Variants in FCGRT observed in about 807,000 individuals in gnomAD.
FCGRT encodes the protein Fc gamma receptor and transporter, also known as IgG receptor FcRn large subunit p51.
FCGRT carries 13 observed loss-of-function variants against 35.7 expected under a neutral mutation model. The ratio of observed to expected loss-of-function variants is 0.36; its 90% CI spans 0.24 to 0.58. The LOEUF is 0.58. FCGRT is among the 20% of genes least tolerant of loss of function. The pLI is 0.77. For synonymous variants in FCGRT, 233 were observed against 216.5 expected (o/e 1.08, Z -0.67); for missense variants, 455 against 474.9 (o/e 0.96, Z 0.39).
At chr19:49,520,154 G>T (rs2080032654) in intron 4 of FCGRT, among the ~76,000 whole-genome samples, 1 of 113,006 alleles carries the variant, frequency 8.8e-6, no homozygotes, top group Non-Finnish European at 1.8e-5. Flanking sequence ...TTTTTGAGAG[G>T]GCGTCTCCCT....
In FCGRT at chr19:49,518,859, T is replaced by A. The variant is rs959332251; in HGVS notation, c.601+4373T>A. Among the ~76,000 whole-genome samples the A allele has an allele frequency of 6.7e-5, 10 of 149,552 alleles. No individual in the cohort carries two copies. In the South Asian group the frequency reaches 2.1e-3, roughly 32 times the overall value. On this transcript the variant is annotated intron_variant, in intron 4 of 6. Transcript: ENST00000221466. Reference sequence around the variant, plus strand: ...CGTATTTTTGTTTTTTTCTTTTTTTTGGAGACGGAGTCTCGCTCTGTCACC... The same window carrying A: ...CGTATTTTTGTTTTTTTCTTTTTTTAGGAGACGGAGTCTCGCTCTGTCACC...
Position 49,526,378 on chromosome 19 carries a change from A to C in FCGRT, c.*259A>C, listed in dbSNP as rs2080077763. 5 of 502,300 alleles carry C rather than the reference A, an allele frequency of 1.0e-5. No individual in the cohort carries two copies. The highest frequency in any genetic ancestry group is 2.0e-5 in the African/African-American group (1 of 51,174). 31.1% of individuals were successfully genotyped at this position (502,300 alleles called of 1,614,324 possible). ...TTTCAGGCAGGGGAGGTAAGGGAAT[A>C]AGTCGGGGGACTGAATGGCGGCTGG... On this transcript the variant is annotated 3_prime_UTR_variant, in exon 7 of 7. Transcript: ENST00000221466.
At chr19:49,523,353 T>C (rs574300571) in intron 4 of FCGRT, among the ~76,000 whole-genome samples, 4 of 151,704 alleles carry the variant, frequency 2.6e-5, no homozygotes, top group African/African-American at 9.7e-5. Flanking sequence ...TAGATCACAA[T>C]GTCAGGAATT....
Position 49,526,186 on chromosome 19 carries a change from G to A in FCGRT, c.*67G>A. 9.7e-7 allele frequency: 1 copy of A among 1,033,268 alleles called. No homozygotes were observed. Among genetic ancestry groups the A allele is most frequent in the Non-Finnish European group, 1.5e-6 (1 of 659,960 alleles). The allele number at this position is 1,033,268 out of a possible 1,614,324, so 64.0% of individuals were successfully genotyped here. On this transcript the variant is annotated 3_prime_UTR_variant, in exon 7 of 7. Coordinates refer to ENST00000221466, the MANE Select transcript of FCGRT (RefSeq NM_001136019.3). Reference sequence around the variant, plus strand: ...CCCTTTCATGCTGTGAGACCTCCTGGAACACTGGCATCTCTGAGCCTCCAG... The same window carrying A: ...CCCTTTCATGCTGTGAGACCTCCTGAAACACTGGCATCTCTGAGCCTCCAG...
chr19:49,524,660 A>G lies in FCGRT; in HGVS notation c.755A>G (p.Asn252Ser), dbSNP rs1192351481. ...ACCGGCCAGGGTGACTTCGGCCCCA[A>G]CAGTGACGGATCCTTCCACGCCTCG... ...AGTGQGDFGP[N>S]SDGSFHASSS... The change falls in exon 5 of 7, where the codon AAC (asparagine) becomes AGC (serine). Residue 252 changes from asparagine (N) to serine (S), a missense_variant. Transcript: ENST00000221466. The G allele has an allele frequency of 6.2e-7, 1 of 1,606,438 alleles. No homozygotes were observed. Among genetic ancestry groups the G allele is most frequent in the Non-Finnish European group, 8.5e-7 (1 of 1,179,996 alleles).
intron 4 of FCGRT, among the ~76,000 whole-genome samples, chr19:49,520,304 A>G (rs914794604): frequency 1.4e-5 from 2 of 142,906 alleles, no homozygotes; most frequent in Non-Finnish European, 3.0e-5. Flanking sequence ...TAATTTTTGT[A>G]TTTTTAGTAC....
intron 4 of FCGRT, among the ~76,000 whole-genome samples, chr19:49,518,496 G>A (rs2080021756): frequency 6.6e-6 from 1 of 151,862 alleles, no homozygotes; most frequent in Non-Finnish European, 1.5e-5. Context: ...CTCCCCAGTA[G>A]GTAGGACCAC....
intron 4 of FCGRT, among the ~76,000 whole-genome samples, chr19:49,517,188 C>G (rs768991829): frequency 2.1e-4 from 32 of 150,782 alleles, no homozygotes; most frequent in Non-Finnish European, 5.9e-5. Context: ...GACCCTGTCT[C>G]AAAAAGAAAA....
chr19:49,514,163 C>A, intron 3 of FCGRT, 30 bp downstream of exon 3: 1 of 1,611,484 alleles, frequency 6.2e-7, no homozygotes, highest in Non-Finnish European at 8.5e-7. Context: ...GGGCAAGGGG[C>A]CGGGTCCATG....
At chr19:49,516,054 G>A (rs1239248558) in intron 4 of FCGRT, 6 of 382,944 alleles carry the variant, frequency 1.6e-5, no homozygotes, top group East Asian at 7.8e-5. Flanking sequence ...ACTGCCAGGC[G>A]CTGCTCTGGG....
At chr19:49,521,655 C>T (rs1163418623) in intron 4 of FCGRT, 2 of 148,974 alleles carry the variant, frequency 1.3e-5, no homozygotes, top group Non-Finnish European at 3.0e-5. Context: ...AGGCATGAGC[C>T]ATTGCACCCG....
At chr19:49,525,808 G>C (rs2122702214) in intron 6 of FCGRT, among the ~76,000 whole-genome samples, 1 of 151,718 alleles carries the variant, frequency 6.6e-6, no homozygotes, top group Middle Eastern at 3.4e-3. Flanking sequence ...ACAGAGGGAG[G>C]GGGAGACAGA....
chr19:49,517,541 AAAGGAAGG>A (rs56387904), intron 4 of FCGRT, among the ~76,000 whole-genome samples: 6 of 151,234 alleles, frequency 4.0e-5, no homozygotes, highest in South Asian at 2.1e-4. Context: ...AAGAGGAAGG[AAAGGAAGG>A]AAGGAAGGAA....
In FCGRT at chr19:49,524,622, G is replaced by A. The variant is rs1200777387; in HGVS notation, c.717G>A (p.Gly239=). Residue 239 remains glycine, a synonymous_variant, in exon 5 of 7, where the codon GGG becomes GGA. Coordinates refer to ENST00000221466, the MANE Select transcript of FCGRT (RefSeq NM_001136019.3). The stretch of plus-strand genomic sequence containing the variant: ...TGCAACTTCGGTTCCTGCGGAATGG[G>A]CTGGCCGCTGGCACCGGCCAGGGTG... ...PELQLRFLRN[G]LAAGTGQGDF... The A allele has an allele frequency of 6.2e-7, 1 of 1,610,004 alleles. No individual in the cohort carries two copies. The highest frequency in any genetic ancestry group is 8.5e-7 in the Non-Finnish European group (1 of 1,179,992).
chr19:49,518,410 G>C (rs1435668364), intron 4 of FCGRT, among the ~76,000 whole-genome samples: 2 of 145,978 alleles, frequency 1.4e-5, no homozygotes, highest in Non-Finnish European at 3.0e-5. Context: ...TCTGTCACCA[G>C]ACTGGAGTCC....
Position 49,525,497 on chromosome 19 carries a change from C to G in FCGRT, c.912C>G (p.Val304=), listed in dbSNP as rs201536964. The G allele has an allele frequency of 3.7e-6, 6 of 1,613,962 alleles. No individual in the cohort carries two copies. In the Admixed American group the frequency reaches 1.0e-4, roughly 27 times the overall value. ...AKSSVLVVGI[V]IGVLLLTAAA... is the part of the protein sequence containing the mutation. ...CCTCCGTGCTCGTGGTGGGAATCGT[C>G]ATCGGTGTCTTGCTACTCACGGCAG... Residue 304 remains valine (V), a synonymous_variant, in exon 6 of 7, where the codon GTC becomes GTG. Transcript: ENST00000221466.
In FCGRT at chr19:49,525,413, G is replaced by C. The variant is rs750783192; in HGVS notation, c.872-44G>C. ...CCAGTTCTGTGTCCTGACTGGGTGGGGTGGAGGGGCTGCTCCACATCTCAC... is the reference window on the plus strand; with the variant it reads ...CCAGTTCTGTGTCCTGACTGGGTGGCGTGGAGGGGCTGCTCCACATCTCAC... On this transcript the variant is annotated intron_variant, in intron 5 of 6. Transcript: ENST00000221466. 9.2e-6 allele frequency: 13 copies of C among 1,409,036 alleles called. No individual in the cohort carries two copies. In the African/African-American group the frequency reaches 1.7e-4, roughly 18 times the overall value. The allele number at this position is 1,409,036 out of a possible 1,614,324, so 87.3% of individuals were successfully genotyped here. A position where few individuals can be genotyped will look rare whatever the true frequency, so the allele number is the denominator to read the frequency against.
chr19:49,513,821 T>G, intron 2 of FCGRT, 61 bp from the exon 3 acceptor site: 1 of 1,274,840 alleles, frequency 7.8e-7, no homozygotes, highest in Non-Finnish European at 1.0e-6. Context: ...CCTGGGTATC[T>G]GTCCCACTGC....
chr19:49,525,396 G>A (rs916670692), intron 5 of FCGRT, 61 bp from the exon 6 acceptor site: 3 of 1,274,332 alleles, frequency 2.4e-6, no homozygotes, highest in Non-Finnish European at 2.3e-6. Flanking sequence ...CCCCAGTTCT[G>A]TGTCCTGACT....
Sources: allele counts gnomAD v4.1 joint callset (sites outside exome capture counted in the v4.1 genomes callset), GRCh38; gene constraint gnomAD v4.1.1; transcripts MANE v1.5; gene names NCBI Gene and HGNC (gene_info 2026-07-23, HGNC 2026-07-21).